Variants in CARHSP1 observed in about 807,000 individuals in gnomAD.
CARHSP1 encodes calcium-regulated heat-stable protein 1.
Under a neutral mutation model 12.5 loss-of-function variants are expected in CARHSP1, and 14 were observed. That is an observed-to-expected ratio of 1.12 (90% confidence interval 0.74 to 1.75). CARHSP1 has a LOEUF of 1.75. CARHSP1 is among the 40% of genes most tolerant of loss of function. The pLI is 0.00. For synonymous variants in CARHSP1, 161 were observed against 82.0 expected (o/e 1.96, Z -5.20); for missense variants, 343 against 201.6 (o/e 1.70, Z -4.25).
At chr16:8,868,282 CT>C in intron 1 of CARHSP1, 1 of 152,290 alleles carries the variant, frequency 6.6e-6, no homozygotes, top group Non-Finnish European at 1.5e-5. Flanking sequence ...CGGAGGCTTC[CT>C]TTTTAAAAAT....
intron 1 of CARHSP1, chr16:8,866,282 G>T (rs1215848586): frequency 8.1e-6 from 2 of 246,230 alleles, no homozygotes; most frequent in Non-Finnish European, 1.3e-5. Context: ...TCCCAGTGAG[G>T]CAGCTGTCCC....
At chr16:8,857,615 C>CACCCTTGTCAG in intron 3 of CARHSP1, 3 of 140,346 alleles carry the variant, frequency 2.1e-5, no homozygotes, top group Middle Eastern at 3.7e-3. Context: ...TTGAAATGGA[C>CACCCTTGTCAG]TTTCACCCTT....
chr16:8,856,555 A>G (rs1013024757), intron 3 of CARHSP1, among the ~76,000 whole-genome samples: 2 of 147,694 alleles, frequency 1.4e-5, no homozygotes. Flanking sequence ...ACATCCATGT[A>G]TGCATGCATA....
chr16:8,858,353 G>A lies in CARHSP1; in HGVS notation c.278C>T (p.Ser93Phe), dbSNP rs780732025. Residue 93 changes from serine to phenylalanine, a missense_variant, in exon 3 of 4, where the codon TCT becomes TTT. Coordinates refer to ENST00000311052, the MANE Select transcript of CARHSP1 (RefSeq NM_014316.4). ...DGGPDIFLHISDVEGEYVPVE... is the reference protein window; with the variant it reads ...DGGPDIFLHIFDVEGEYVPVE... ...CCCAGACCTGCCGCTGACTCACTCA[G>A]AGATGTGCAGGAAGATGTCGGGGCC... is the stretch of plus-strand genomic sequence containing the variant. 4 of 1,613,652 alleles carry A rather than the reference G, an allele frequency of 2.5e-6. No homozygotes were observed. Among genetic ancestry groups the A allele is most frequent in the Non-Finnish European group, 3.4e-6 (4 of 1,179,972 alleles).
chr16:8,864,304 C>G (rs1277028910), intron 1 of CARHSP1, among the ~76,000 whole-genome samples: 1 of 150,718 alleles, frequency 6.6e-6, no homozygotes, highest in East Asian at 1.9e-4. Flanking sequence ...AGCGGGGAGC[C>G]TCACCTCACC....
Position 8,854,199 on chromosome 16 carries a change from C to G in CARHSP1, c.*965G>C, listed in dbSNP as rs1013535417. ...AAAAATCCCTAAGCATTTCTTAACA[C>G]TAGTTTTAAAGAAAACCCCCTCTCC... is the stretch of plus-strand genomic sequence containing the variant. On this transcript the variant is annotated 3_prime_UTR_variant, in exon 4 of 4. Coordinates refer to ENST00000311052, the MANE Select transcript of CARHSP1 (RefSeq NM_014316.4). The G allele has an allele frequency of 2.0e-5, 3 of 152,120 alleles. No homozygotes were observed. Among genetic ancestry groups the G allele is most frequent in the Non-Finnish European group, 2.9e-5 (2 of 68,024 alleles). 9.4% of individuals were successfully genotyped at this position (152,120 alleles called of 1,614,324 possible). A position where few individuals can be genotyped will look rare whatever the true frequency, so the allele number is the denominator to read the frequency against.
chr16:8,860,262 C>G (rs1168784562), intron 1 of CARHSP1: 2 of 982,924 alleles, frequency 2.0e-6, no homozygotes, highest in Non-Finnish European at 2.4e-6. Context: ...AAGGCTGCAT[C>G]CAGCTCCATC....
intron 3 of CARHSP1, chr16:8,858,148 A>T: frequency 1.6e-6 from 1 of 625,404 alleles, no homozygotes; most frequent in Non-Finnish European, 2.8e-6. Context: ...ACATCCCCCA[A>T]CACAGCTCCG....
In CARHSP1 at chr16:8,855,318, C is replaced by T. The variant is rs1382277306; in HGVS notation, c.290G>A (p.Gly97Glu). 6 of 1,601,588 alleles carry T rather than the reference C, an allele frequency of 3.7e-6. No homozygotes were observed. Among genetic ancestry groups the T allele is most frequent in the East Asian group, 2.3e-5 (1 of 44,308 alleles). ...DIFLHISDVE[G>E]EYVPVEGDEV... ...GTCGCCTTCCACTGGGACATACTCCCCTTCCACACTACGGGGGCATAAATA... is the reference window on the plus strand; with the variant it reads ...GTCGCCTTCCACTGGGACATACTCCTCTTCCACACTACGGGGGCATAAATA... Residue 97 changes from glycine (G) to glutamate (E), a missense_variant, in exon 4 of 4, where the codon GGG becomes GAG. Physicochemically the swap from Gly to Glu is moderately conservative, Grantham distance 98. Transcript: ENST00000311052.
chr16:8,865,526 C>A (rs1332322381), intron 1 of CARHSP1, among the ~76,000 whole-genome samples: 2 of 152,198 alleles, frequency 1.3e-5, no homozygotes, highest in Non-Finnish European at 2.9e-5. Flanking sequence ...CCTCTCCAAG[C>A]CTGCTCTGCA....
chr16:8,861,040 A>G (rs2061335972), intron 1 of CARHSP1, among the ~76,000 whole-genome samples: 1 of 122,246 alleles, frequency 8.2e-6, no homozygotes, highest in Admixed American at 8.0e-5. Context: ...ACAGAGTGAG[A>G]CTCCGTCTCA....
At chr16:8,861,918 A>C in intron 1 of CARHSP1, 3 of 622,844 alleles carry the variant, frequency 4.8e-6, no homozygotes, top group South Asian at 2.2e-5. Context: ...CTCCACAGTT[A>C]GAGACACTGC....
At chr16:8,867,100 C>G (rs2061467321) in intron 1 of CARHSP1, among the ~76,000 whole-genome samples, 1 of 152,156 alleles carries the variant, frequency 6.6e-6, no homozygotes, top group Admixed American at 6.5e-5. Context: ...CACCACCCAC[C>G]TGGGACCCTG....
chr16:8,857,349 C>T (rs1250414899), intron 3 of CARHSP1: 3 of 137,954 alleles, frequency 2.2e-5, no homozygotes, highest in African/African-American at 8.2e-5. Flanking sequence ...ATGGCGCGAT[C>T]TCGGCTCACC....
chr16:8,857,743 C>T (rs1010957206), intron 3 of CARHSP1: 1 of 146,982 alleles, frequency 6.8e-6, no homozygotes, highest in African/African-American at 2.5e-5. Flanking sequence ...GCACCTGTCA[C>T]CACGCCCTGC....
In CARHSP1 at chr16:8,859,186, G is replaced by C. The variant is rs368082559; in HGVS notation, c.143C>G (p.Thr48Arg). ...CCAGACTCACGCCGAGAAGGTCCTCGTCCGGCGAGTGGGCAGTGGGCTTGG... is the reference window on the plus strand; with the variant it reads ...CCAGACTCACGCCGAGAAGGTCCTCCTCCGGCGAGTGGGCAGTGGGCTTGG... Reference protein sequence around the residue: ...VVPSPLPTRRTRTFSATVRAS... With the variant: ...VVPSPLPTRRRRTFSATVRAS... Residue 48 changes from threonine (T) to arginine (R), a missense_variant, in exon 2 of 4, where the codon ACG (threonine) becomes AGG (arginine). By Grantham distance (71) the Thr-to-Arg change is moderately conservative. Transcript: ENST00000311052. The C allele has an allele frequency of 2.5e-6, 4 of 1,601,054 alleles. No individual in the cohort carries two copies. Among genetic ancestry groups the C allele is most frequent in the Non-Finnish European group, 3.4e-6 (4 of 1,173,456 alleles).
chr16:8,856,623 G>A (rs1448927668), intron 3 of CARHSP1, among the ~76,000 whole-genome samples: 1 of 150,568 alleles, frequency 6.6e-6, no homozygotes, highest in Non-Finnish European at 1.5e-5. Flanking sequence ...TAAGCATGGG[G>A]CGGGGGTGGG....
At chr16:8,861,492 T>C in intron 1 of CARHSP1, 2 of 746,848 alleles carry the variant, frequency 2.7e-6, no homozygotes, top group Non-Finnish European at 3.8e-6. Flanking sequence ...CCGAACCGCC[T>C]TCAAGCATAG....
rs71155412 is a variant in CARHSP1 at position 8,863,112 on chromosome 16, C to CTTTTTTTTT, written c.-7-3786_-7-3778dup. Among the ~76,000 whole-genome samples, 211 of 74,142 alleles carry CTTTTTTTTT rather than the reference C, an allele frequency of 2.8e-3. 18 individuals are homozygous for CTTTTTTTTT. Among genetic ancestry groups the CTTTTTTTTT allele is most frequent in the African/African-American group, 0.012 (200 of 17,168 alleles). The allele number at this position is 74,142 out of a possible 152,430, so 48.6% of individuals were successfully genotyped here. On this transcript the variant is annotated intron_variant, in intron 1 of 3. Transcript: ENST00000311052. ...GGTCCAGGAATGGCCACAAGGATGG[C>CTTTTTTTTT]TTTTTTTTTTTTTTTTTTTTTTTTT...
Sources: allele counts gnomAD v4.1 joint callset (sites outside exome capture counted in the v4.1 genomes callset), GRCh38; gene constraint gnomAD v4.1.1; transcripts MANE v1.5; gene names NCBI Gene and HGNC (gene_info 2026-07-23, HGNC 2026-07-21).